Variants in ANO2 observed in about 807,000 individuals in gnomAD.
The protein encoded by ANO2 is anoctamin 2.
ANO2 carries 101 observed loss-of-function variants against 124.2 expected under a neutral mutation model. The observed-to-expected ratio is 0.81, with a 90% CI of 0.69 to 0.96. The LOEUF (loss-of-function observed/expected upper bound fraction) is 0.96. ANO2 is among the 40% of genes least tolerant of loss of function. The probability of loss-of-function intolerance (pLI) is 0.00; values close to 1 mark genes in which losing one functional copy is unlikely to be tolerated. For synonymous variants in ANO2, 486 were observed against 482.5 expected, an observed-to-expected ratio of 1.01 and a Z score of -0.09; for missense variants, 1,293 against 1,274.5, an observed-to-expected ratio of 1.01 and a Z score of -0.22.
intron 1 of ANO2, 51 bp downstream of exon 1, chr12:5,945,145 C>G: frequency 7.8e-7 from 1 of 1,276,128 alleles, no homozygotes; most frequent in Non-Finnish European, 1.0e-6. Context: ...TTCACTCCCT[C>G]CCTCCTACCA....
At chr12:5,616,129 T>G in intron 16 of ANO2, among the ~76,000 whole-genome samples, 1 of 152,164 alleles carries the variant, frequency 6.6e-6, no homozygotes, top group East Asian at 1.9e-4. Flanking sequence ...ACAAATGGCA[T>G]GACAAGGACA....
intron 14 of ANO2, among the ~76,000 whole-genome samples, chr12:5,714,535 A>C (rs1274362244): frequency 2.0e-5 from 3 of 152,194 alleles, no homozygotes; most frequent in African/African-American, 7.2e-5. Context: ...AAAGGCTAAA[A>C]AATATGCACA....
At chr12:5,812,732 G>T (rs1463055218) in intron 7 of ANO2, among the ~76,000 whole-genome samples, 1 of 138,124 alleles carries the variant, frequency 7.2e-6, no homozygotes, top group Non-Finnish European at 1.6e-5. Context: ...GAGGGAGGGA[G>T]GCAAGAGGGA....
At chr12:5,850,967 T>C in intron 4 of ANO2, among the ~76,000 whole-genome samples, 1 of 152,200 alleles carries the variant, frequency 6.6e-6, no homozygotes, top group East Asian at 1.9e-4. Context: ...AGTATGCCCA[T>C]ATCATAGATG....
chr12:5,753,096 T>C (rs1447628268), intron 10 of ANO2, among the ~76,000 whole-genome samples: 2 of 152,186 alleles, frequency 1.3e-5, no homozygotes, highest in African/African-American at 4.8e-5. Flanking sequence ...GTTAAGGACA[T>C]GCCTGGAAGA....
chr12:5,633,431 T>A (rs1232402739), intron 16 of ANO2, among the ~76,000 whole-genome samples: 1 of 152,220 alleles, frequency 6.6e-6, no homozygotes, highest in Non-Finnish European at 1.5e-5. Context: ...TGCCTTGATC[T>A]AATTTCTCAG....
chr12:5,663,352 C>A (rs931593776), intron 14 of ANO2, among the ~76,000 whole-genome samples: 6 of 152,212 alleles, frequency 3.9e-5, no homozygotes, highest in Non-Finnish European at 8.8e-5. Context: ...GGAAATGAAG[C>A]AGGGAATGGT....
At chr12:5,733,674 G>C (rs1215789560) in intron 13 of ANO2, among the ~76,000 whole-genome samples, 2 of 152,208 alleles carry the variant, frequency 1.3e-5, no homozygotes, top group East Asian at 3.9e-4. Context: ...GGAGAGGACA[G>C]ACCATGTAAG....
intron 16 of ANO2, among the ~76,000 whole-genome samples, chr12:5,626,584 G>A (rs187326626): frequency 2.7e-4 from 41 of 152,248 alleles, no homozygotes; most frequent in Admixed American, 3.9e-4. Context: ...GTTTAACTTC[G>A]GATGTTGGCC....
chr12:5,836,842 A>G (rs570693467), intron 4 of ANO2: 6 of 154,498 alleles, frequency 3.9e-5, no homozygotes, highest in Admixed American at 3.3e-4. Flanking sequence ...TGTATTTCAT[A>G]AGCCCTAATT....
intron 10 of ANO2, among the ~76,000 whole-genome samples, chr12:5,776,648 G>A (rs371553678): frequency 2.0e-5 from 3 of 152,176 alleles, no homozygotes; most frequent in Non-Finnish European, 2.9e-5. Flanking sequence ...CTGGTTACCC[G>A]GAAGAATCTA....
At chr12:5,834,958 G>A (rs891751894) in intron 4 of ANO2, among the ~76,000 whole-genome samples, 7 of 151,928 alleles carry the variant, frequency 4.6e-5, no homozygotes, top group Non-Finnish European at 1.0e-4. Flanking sequence ...TATCTTTCCA[G>A]GACAGTTTCC....
chr12:5,913,343 C>A (rs1941167346), intron 3 of ANO2, among the ~76,000 whole-genome samples: 1 of 152,062 alleles, frequency 6.6e-6, no homozygotes, highest in African/African-American at 2.4e-5. Context: ...GATCTGGGTC[C>A]CAAAAAATGG....
intron 7 of ANO2, among the ~76,000 whole-genome samples, chr12:5,807,917 G>T (rs550411840): frequency 6.6e-6 from 1 of 152,244 alleles, no homozygotes; most frequent in East Asian, 1.9e-4. Context: ...GGCTTTCGGG[G>T]GTCCCTGGAG....
chr12:5,618,757 C>T (rs1944965650), intron 16 of ANO2, among the ~76,000 whole-genome samples: 1 of 152,156 alleles, frequency 6.6e-6, no homozygotes. Context: ...GTGTCAGGTG[C>T]CAGGCCAAAA....
Position 5,805,997 on chromosome 12 carries a change from C to A in ANO2, c.990+55G>T, listed in dbSNP as rs1016674071. ...TAAGACACTTCTAGCCACTTCCACACCCACCCGTAGTCTCGCATGCCCAAA... is the reference window on the plus strand; with the variant it reads ...TAAGACACTTCTAGCCACTTCCACAACCACCCGTAGTCTCGCATGCCCAAA... On this transcript the variant is annotated intron_variant, in intron 9 of 24. Transcript: ENST00000682330. 7.0e-6 allele frequency: 11 copies of A among 1,571,862 alleles called. No individual in the cohort carries two copies. The Admixed American group carries it at 1.9e-4, about 28-fold the overall frequency.
intron 19 of ANO2, among the ~76,000 whole-genome samples, chr12:5,601,538 A>G (rs540897228): frequency 2.1e-4 from 32 of 152,328 alleles, no homozygotes; most frequent in African/African-American, 7.0e-4. Context: ...GAGAAGATGC[A>G]GGAAAAATCA....
chr12:5,840,869 G>A (rs992534845), intron 4 of ANO2, among the ~76,000 whole-genome samples: 1 of 152,118 alleles, frequency 6.6e-6, no homozygotes, highest in Admixed American at 6.5e-5. Flanking sequence ...ATTACTTATG[G>A]TATCTCACTC....
intron 10 of ANO2, among the ~76,000 whole-genome samples, chr12:5,794,632 T>A (rs1461325618): frequency 6.6e-6 from 1 of 152,176 alleles, no homozygotes; most frequent in Non-Finnish European, 1.5e-5. Context: ...CCCATACTGA[T>A]AGGTTTGAAC....
Sources: allele counts gnomAD v4.1 joint callset (sites outside exome capture counted in the v4.1 genomes callset), GRCh38; gene constraint gnomAD v4.1.1; transcripts MANE v1.5; gene names NCBI Gene and HGNC (gene_info 2026-07-23, HGNC 2026-07-21).